The following DNAJC1 variants were observed in gnomAD, a reference collection of about 807,000 sequenced individuals.
DNAJC1 encodes DnaJ heat shock protein family (Hsp40) member C1, also known as dnaJ homolog subfamily C member 1.
Under a neutral mutation model 76.6 loss-of-function variants are expected in DNAJC1, and 58 were observed. The ratio of observed to expected loss-of-function variants is 0.76; its 90% CI spans 0.61 to 0.94. The LOEUF (loss-of-function observed/expected upper bound fraction) is 0.94, where lower values mean the gene tolerates loss of function less well. DNAJC1 is among the 40% of genes least tolerant of loss of function. The probability of loss-of-function intolerance (pLI) is 0.00; values close to 1 mark genes in which losing one functional copy is unlikely to be tolerated. For synonymous variants in DNAJC1, 258 were observed against 267.9 expected (o/e 0.96, Z 0.36); for missense variants, 689 against 677.3 (o/e 1.02, Z -0.19).
At chr10:21,890,769 A>C (rs1436526542) in intron 7 of DNAJC1, among the ~76,000 whole-genome samples, 1 of 152,232 alleles carries the variant, frequency 6.6e-6, no homozygotes, top group African/African-American at 2.4e-5. Flanking sequence ...GACTTAAATA[A>C]GGTCCAAAGT....
In DNAJC1 at chr10:21,891,476, C is replaced by CAAAAAAA. The variant is rs369729722; in HGVS notation, c.821-9044_821-9038dup. Among the ~76,000 whole-genome samples the CAAAAAAA allele has an allele frequency of 2.1e-4, 8 of 38,838 alleles. No individual in the cohort carries two copies. In the East Asian group the frequency reaches 2.3e-3, roughly 11 times the overall value. The allele number at this position is 38,838 out of a possible 152,430, so 25.5% of individuals were successfully genotyped here. A position where few individuals can be genotyped will look rare whatever the true frequency, so the allele number is the denominator to read the frequency against. The stretch of plus-strand genomic sequence containing the variant: ...TGCCCAATCTGAAAAACAAAGTAGA[C>CAAAAAAA]AAAAAAAAAAAAAAAAAAAGAAAAG... On this transcript the variant is annotated intron_variant, in intron 7 of 11. Coordinates refer to ENST00000376980, the MANE Select transcript of DNAJC1 (RefSeq NM_022365.4).
rs573189930 is a variant in DNAJC1, at chr10:21,831,533, G to C, written c.979-25434C>G. Reference sequence around the variant, plus strand: ...TGGCCGGGTGCAGTGGCTTGCGCCTGTAATCCCAGCACTTTGGGAGGCTGA... The same window carrying C: ...TGGCCGGGTGCAGTGGCTTGCGCCTCTAATCCCAGCACTTTGGGAGGCTGA... On this transcript the variant is annotated intron_variant, in intron 8 of 11. Coordinates refer to ENST00000376980, the MANE Select transcript of DNAJC1 (RefSeq NM_022365.4). Among the ~76,000 whole-genome samples the C allele has an allele frequency of 3.7e-4, 57 of 152,316 alleles. 1 individual carries two copies. Among genetic ancestry groups the C allele is most frequent in the African/African-American group, 1.3e-3 (54 of 41,568 alleles).
At chr10:21,847,302 TTTC>T (rs909499409) in intron 8 of DNAJC1, among the ~76,000 whole-genome samples, 74 of 152,250 alleles carry the variant, frequency 4.9e-4, no homozygotes, top group African/African-American at 1.8e-3. Flanking sequence ...TTCTCCCAAT[TTTC>T]TTCTTTTAAA....
At chr10:21,784,784 G>T (rs1168010466) in intron 9 of DNAJC1, among the ~76,000 whole-genome samples, 1 of 151,962 alleles carries the variant, frequency 6.6e-6, no homozygotes, top group Non-Finnish European at 1.5e-5. Context: ...ATCATTCCGA[G>T]CAAACTATCG....
At chr10:21,810,626 A>T (rs1044476195) in intron 8 of DNAJC1, among the ~76,000 whole-genome samples, 8 of 152,156 alleles carry the variant, frequency 5.3e-5, no homozygotes, top group Admixed American at 5.2e-4. Context: ...CCCCATGAAA[A>T]CAGTTAATAC....
chr10:21,902,060 T>G (rs1836664482), intron 7 of DNAJC1, among the ~76,000 whole-genome samples: 1 of 152,204 alleles, frequency 6.6e-6, no homozygotes, highest in Admixed American at 6.5e-5. Context: ...TCTTTAACAT[T>G]CTTAATGTTG....
At chr10:21,892,217 G>A (rs550462701) in intron 7 of DNAJC1, among the ~76,000 whole-genome samples, 2 of 151,732 alleles carry the variant, frequency 1.3e-5, no homozygotes, top group African/African-American at 4.8e-5. Context: ...TGAGCCACAG[G>A]GAGGCAGAAA....
At chr10:22,000,296 G>C (rs1319648414) in intron 1 of DNAJC1, among the ~76,000 whole-genome samples, 3 of 152,098 alleles carry the variant, frequency 2.0e-5, no homozygotes, top group Admixed American at 1.3e-4. Flanking sequence ...ACTATACTCA[G>C]TACACTAAAG....
intron 1 of DNAJC1, among the ~76,000 whole-genome samples, chr10:21,964,034 CTAGTT>C (rs1837846822): frequency 6.6e-6 from 1 of 152,092 alleles, no homozygotes; most frequent in African/African-American, 2.4e-5. Flanking sequence ...AGTGGCTACT[CTAGTT>C]AATTTGAAAT....
At chr10:21,832,566 T>C (rs1369743440) in intron 8 of DNAJC1, among the ~76,000 whole-genome samples, 2 of 152,226 alleles carry the variant, frequency 1.3e-5, no homozygotes, top group Non-Finnish European at 2.9e-5. Flanking sequence ...TAGGCATTTT[T>C]ACTTCTTCCT....
At chr10:21,848,474 T>C (rs1253234434) in intron 8 of DNAJC1, among the ~76,000 whole-genome samples, 1 of 152,226 alleles carries the variant, frequency 6.6e-6, no homozygotes, top group East Asian at 1.9e-4. Context: ...TTTGCTTTTG[T>C]ATTCTGTGCT....
intron 8 of DNAJC1, among the ~76,000 whole-genome samples, chr10:21,874,984 G>T (rs914646325): frequency 6.6e-6 from 1 of 152,026 alleles, no homozygotes; most frequent in Non-Finnish European, 1.5e-5. Flanking sequence ...GGGTTCAAGC[G>T]ATTCTTTTGC....
chr10:21,837,310 T>C (rs1474109567), intron 8 of DNAJC1, among the ~76,000 whole-genome samples: 3 of 152,190 alleles, frequency 2.0e-5, no homozygotes, highest in Non-Finnish European at 4.4e-5. Flanking sequence ...GTGCTGAGAT[T>C]GCAGCCTCTG....
At chr10:21,992,425 C>A (rs1838340803) in intron 1 of DNAJC1, among the ~76,000 whole-genome samples, 1 of 151,982 alleles carries the variant, frequency 6.6e-6, no homozygotes, top group Non-Finnish European at 1.5e-5. Flanking sequence ...TGGTGGTGCA[C>A]TCCTGTAATC....
intron 9 of DNAJC1, among the ~76,000 whole-genome samples, chr10:21,776,165 T>C (rs1564784538): frequency 6.6e-6 from 1 of 152,108 alleles, no homozygotes; most frequent in African/African-American, 2.4e-5. Context: ...CTGATGAAAT[T>C]AACAGAAAAT....
chr10:21,916,254 C>G (rs923023467), intron 6 of DNAJC1, among the ~76,000 whole-genome samples: 3 of 152,094 alleles, frequency 2.0e-5, no homozygotes, highest in Non-Finnish European at 4.4e-5. Flanking sequence ...AGCACTTTGG[C>G]TGAGGTGGGC....
intron 8 of DNAJC1, among the ~76,000 whole-genome samples, chr10:21,854,984 T>G (rs1483510612): frequency 6.6e-6 from 1 of 152,170 alleles, no homozygotes; most frequent in Non-Finnish European, 1.5e-5. Flanking sequence ...TAGAGAGTAT[T>G]AGTAAGTGAA....
At chr10:21,846,215 T>G (rs373494305) in intron 8 of DNAJC1, among the ~76,000 whole-genome samples, 1 of 151,812 alleles carries the variant, frequency 6.6e-6, no homozygotes, top group Non-Finnish European at 1.5e-5. Flanking sequence ...ACTGAAGGAG[T>G]TCAAGCACAA....
chr10:21,765,811 G>A (rs377138347), intron 10 of DNAJC1, among the ~76,000 whole-genome samples: 4 of 151,808 alleles, frequency 2.6e-5, no homozygotes, highest in Non-Finnish European at 5.9e-5. Context: ...GCCACTGCAC[G>A]CTAGCCTGGG....
Sources: allele counts gnomAD v4.1 joint callset (sites outside exome capture counted in the v4.1 genomes callset), GRCh38; gene constraint gnomAD v4.1.1; transcripts MANE v1.5; gene names NCBI Gene and HGNC (gene_info 2026-07-23, HGNC 2026-07-21).